Variants in SLC39A14 observed in about 807,000 individuals in gnomAD.
SLC39A14 encodes metal cation symporter ZIP14.
A neutral mutation model predicts 45.5 loss-of-function variants in SLC39A14; 19 were observed. That is an observed-to-expected ratio of 0.42 (90% CI 0.29 to 0.61). The LOEUF (loss-of-function observed/expected upper bound fraction) is 0.61. Ranked by LOEUF, SLC39A14 falls within the 20% of genes least tolerant of loss-of-function variation. SLC39A14 has a pLI of 0.22. For synonymous variants in SLC39A14, 264 were observed against 251.3 expected, an observed-to-expected ratio of 1.05 and a Z score of -0.48; for missense variants, 447 against 616.5, an observed-to-expected ratio of 0.73 and a Z score of 2.91.
At chr8:22,406,128 T>TGAAAGATGA (rs1202981308) in intron 2 of SLC39A14, among the ~76,000 whole-genome samples, 1 of 152,116 alleles carries the variant, frequency 6.6e-6, no homozygotes, top group Admixed American at 6.5e-5. Context: ...AGCTGCCCCT[T>TGAAAGATGA]GAAAGATGAG....
intron 1 of SLC39A14, among the ~76,000 whole-genome samples, chr8:22,382,924 G>A (rs1483702513): frequency 1.3e-5 from 2 of 151,520 alleles, no homozygotes; most frequent in Non-Finnish European, 1.5e-5. Context: ...CACTATGTTG[G>A]CCAGGTTAGT....
At chr8:22,430,707 C>G (rs1163566457) in intron 8 of SLC39A14, among the ~76,000 whole-genome samples, 1 of 152,048 alleles carries the variant, frequency 6.6e-6, no homozygotes, top group African/African-American at 2.4e-5. Flanking sequence ...GGGTCTTGCT[C>G]TGTCGTCCAG....
rs1333519410 is a variant in SLC39A14 at position 22,408,272 on chromosome 8, T to C, written c.271-38T>C. The C allele has an allele frequency of 1.9e-6, 3 of 1,588,310 alleles. No homozygotes were observed. The African/African-American group carries it at 4.0e-5, about 21-fold the overall frequency. On this transcript the variant is annotated intron_variant, in intron 2 of 8. Transcript: ENST00000381237. ...GTTTAGCAGGGCAAGGCCTGACCTT[T>C]GGGGTCTAAGCGGCTTCCTGCCCTT...
At chr8:22,382,537 G>T (rs1833567594) in intron 1 of SLC39A14, among the ~76,000 whole-genome samples, 2 of 152,088 alleles carry the variant, frequency 1.3e-5, no homozygotes, top group African/African-American at 4.8e-5. Flanking sequence ...AGCCCACCAG[G>T]CTTGGTGGCA....
chr8:22,392,891 C>T (rs1342554980), intron 1 of SLC39A14: 1 of 152,270 alleles, frequency 6.6e-6, no homozygotes, highest in Non-Finnish European at 1.5e-5. Context: ...TGTGCCGCTG[C>T]CTGGGGCCCT....
intron 1 of SLC39A14, among the ~76,000 whole-genome samples, chr8:22,386,464 G>T (rs1372841714): frequency 2.7e-5 from 4 of 149,730 alleles, no homozygotes; most frequent in Non-Finnish European, 5.9e-5. Context: ...ATGGGGTTTC[G>T]CCATGTTAGC....
chr8:22,421,352 G>A lies in SLC39A14; in HGVS notation c.*1654G>A, dbSNP rs1177769654. 3 of 985,818 alleles carry A rather than the reference G, an allele frequency of 3.0e-6. No individual in the cohort carries two copies. The highest frequency in any genetic ancestry group is 2.4e-6 in the Non-Finnish European group (2 of 829,924). 61.1% of individuals were successfully genotyped at this position (985,818 alleles called of 1,614,324 possible). A position where few individuals can be genotyped will look rare whatever the true frequency, so the allele number is the denominator to read the frequency against. Reference sequence around the variant, plus strand: ...AACCAGGAATATTCTTGAAAAGAACGTGAGCAGGAAAAACTGCTGGTGATA... The same window carrying A: ...AACCAGGAATATTCTTGAAAAGAACATGAGCAGGAAAAACTGCTGGTGATA... On this transcript the variant is annotated 3_prime_UTR_variant, in exon 9 of 9. Coordinates refer to ENST00000381237, the MANE Select transcript of SLC39A14 (RefSeq NM_001128431.4).
chr8:22,432,400 GTCTC>G (rs67943452), intron 8 of SLC39A14, among the ~76,000 whole-genome samples: 1 of 151,542 alleles, frequency 6.6e-6, no homozygotes, highest in Non-Finnish European at 1.5e-5. Context: ...CTTTCACTCT[GTCTC>G]TCTTTCTCTC....
At position 22,388,683 on chromosome 8, in the gene SLC39A14, C is replaced by T. The variant is rs558601726; in HGVS notation, c.-15-16013C>T. Among the ~76,000 whole-genome samples the T allele has an allele frequency of 3.3e-5, 5 of 152,100 alleles. No homozygotes were observed. The South Asian group carries it at 6.2e-4, about 19-fold the overall frequency. ...GAATCGTAGGGGGATGCTCTGGGTT[C>T]GTGGTGAGCCCCACAGGGAGAAAGC... is the stretch of plus-strand genomic sequence containing the variant. On this transcript the variant is annotated intron_variant, in intron 1 of 8. Transcript: ENST00000381237.
chr8:22,404,630 C>G (rs574529727), intron 1 of SLC39A14, 66 bp from the exon 2 acceptor site: 1 of 1,482,906 alleles, frequency 6.7e-7, no homozygotes. Flanking sequence ...GTGTGGCGGG[C>G]GGGCCTGGCG....
At position 22,417,638 on chromosome 8, in the gene SLC39A14, C is replaced by G; in HGVS notation, c.1148-13C>G. 6.2e-7 allele frequency: 1 copy of G among 1,609,154 alleles called. No individual in the cohort carries two copies. Among genetic ancestry groups the G allele is most frequent in the Non-Finnish European group, 8.5e-7 (1 of 1,177,168 alleles). The stretch of plus-strand genomic sequence containing the variant: ...CTTCCTCGTCCCTCCCCTTTTCATT[C>G]TCGCTGCTGTAGGAGACTTTGTCAT... On this transcript the variant is annotated splice_polypyrimidine_tract_variant and intron_variant, in intron 7 of 8. Transcript: ENST00000381237.
intron 1 of SLC39A14, among the ~76,000 whole-genome samples, chr8:22,370,451 T>C (rs1554510005): frequency 6.6e-6 from 1 of 152,148 alleles, no homozygotes; most frequent in Non-Finnish European, 1.5e-5. Context: ...TGCTGCACCA[T>C]GTTGCTGAGC....
chr8:22,404,930 G>C lies in SLC39A14; in HGVS notation c.220G>C (p.Gly74Arg), dbSNP rs2132310323. ...ALLNHLDVGVGRGNVTQHVQG... is the reference protein window; with the variant it reads ...ALLNHLDVGVRRGNVTQHVQG... ...ACTCAACCACCTGGATGTGGGAGTG[G>C]GCCGGGGTAATGTCACCCAGCACGT... is the stretch of plus-strand genomic sequence containing the variant. Residue 74 changes from glycine to arginine, a missense_variant, in exon 2 of 9, where the codon GGC becomes CGC. Coordinates refer to ENST00000381237, the MANE Select transcript of SLC39A14 (RefSeq NM_001128431.4). 5 of 1,614,162 alleles carry C rather than the reference G, an allele frequency of 3.1e-6. No individual in the cohort carries two copies. Among genetic ancestry groups the C allele is most frequent in the South Asian group, 2.2e-5 (2 of 91,086 alleles).
downstream of SLC39A14, among the ~76,000 whole-genome samples, chr8:22,427,084 G>T (rs1315017572): frequency 6.6e-6 from 1 of 151,882 alleles, no homozygotes; most frequent in Non-Finnish European, 1.5e-5. Flanking sequence ...CCTGAGGTCG[G>T]GAGTTTGAGA....
chr8:22,415,542 C>A, intron 5 of SLC39A14: 1 of 468,328 alleles, frequency 2.1e-6, no homozygotes, highest in South Asian at 2.9e-5. Context: ...GCAGTCCTCC[C>A]ACCTCGGCCT....
chr8:22,418,141 G>A (rs1002461639), intron 8 of SLC39A14, among the ~76,000 whole-genome samples: 3 of 152,168 alleles, frequency 2.0e-5, no homozygotes, highest in African/African-American at 7.2e-5. Flanking sequence ...GGCCTCAGGT[G>A]ATCCACCCGC....
At chr8:22,401,208 T>C (rs2132291285) in intron 1 of SLC39A14, among the ~76,000 whole-genome samples, 1 of 152,336 alleles carries the variant, frequency 6.6e-6, no homozygotes, top group Middle Eastern at 3.4e-3. Context: ...AAGATCACAT[T>C]GCTGGTAAGT....
In SLC39A14 at chr8:22,421,292, C is replaced by T. The variant is rs138265470; in HGVS notation, c.*1594C>T. ...CGCTCTCAGTAATCACAAGCAGCAT[C>T]CGTTTTGTTTTCTCTTCTTGGGAGA... On this transcript the variant is annotated 3_prime_UTR_variant, in exon 9 of 9. Coordinates refer to ENST00000381237, the MANE Select transcript of SLC39A14 (RefSeq NM_001128431.4). 1,179 of 985,844 alleles carry T rather than the reference C, an allele frequency of 1.2e-3. 9 individuals are homozygous for T. The African/African-American group carries it at 0.018, about 15-fold the overall frequency. 61.1% of individuals were successfully genotyped at this position (985,844 alleles called of 1,614,324 possible).
downstream of SLC39A14, among the ~76,000 whole-genome samples, chr8:22,424,885 C>T (rs970666864): frequency 1.3e-5 from 2 of 152,066 alleles, no homozygotes; most frequent in South Asian, 2.1e-4. Context: ...AAAATTTAGC[C>T]GGGCATGGTG....
Sources: allele counts gnomAD v4.1 joint callset (sites outside exome capture counted in the v4.1 genomes callset), GRCh38; gene constraint gnomAD v4.1.1; transcripts MANE v1.5; gene names NCBI Gene and HGNC (gene_info 2026-07-23, HGNC 2026-07-21).